MALRD1: variants seen among roughly 807,000 people sequenced by gnomAD.
MALRD1 encodes MAM and LDL receptor class A domain containing 1.
MALRD1 carries 247 observed loss-of-function variants against 242.1 expected under a neutral mutation model. The ratio of observed to expected loss-of-function variants is 1.02; its 90% CI spans 0.92 to 1.13. The LOEUF (loss-of-function observed/expected upper bound fraction) is 1.13. Ranked by LOEUF, MALRD1 falls within the 50% of genes most tolerant of loss-of-function variation. The pLI, the probability that MALRD1 is intolerant of heterozygous loss-of-function variation, is 0.00. For synonymous variants in MALRD1, 995 were observed against 866.6 expected (o/e 1.15, Z -2.60); for missense variants, 2,989 against 2,533.1 (o/e 1.18, Z -3.86).
intron 29 of MALRD1, among the ~76,000 whole-genome samples, chr10:19,450,922 G>A (rs930545569): frequency 1.1e-4 from 16 of 152,104 alleles, no homozygotes; most frequent in African/African-American, 3.9e-4. Flanking sequence ...TCCCATTCAT[G>A]AGGGCTCTGC....
intron 26 of MALRD1, among the ~76,000 whole-genome samples, chr10:19,381,885 A>G (rs541866578): frequency 6.6e-6 from 1 of 152,090 alleles, no homozygotes. Flanking sequence ...TTATAGAACA[A>G]AAAGCAACAT....
At chr10:19,486,091 AAAG>A (rs71388841) in intron 29 of MALRD1, among the ~76,000 whole-genome samples, 57,363 of 151,756 alleles carry the variant, frequency 0.38, 11,140 homozygotes, top group East Asian at 0.54. Context: ...GACATTGTGT[AAAG>A]AAGGAGAGAT....
At chr10:19,544,426 G>C (rs912843402) in intron 32 of MALRD1, among the ~76,000 whole-genome samples, 1 of 152,048 alleles carries the variant, frequency 6.6e-6, no homozygotes, top group African/African-American at 2.4e-5. Flanking sequence ...GACCTCAAGT[G>C]ATTCGCCCAC....
rs74667716 is a variant in MALRD1 at position 19,663,295 on chromosome 10, A to C, written c.6138-28987A>C. On this transcript the variant is annotated intron_variant, in intron 36 of 39. Transcript: ENST00000454679. ...TGTGGTATTTGACTTTCTTTTTCTC[A>C]GTCATTTCACTTAGTATAATGGCCT... Among the ~76,000 whole-genome samples the C allele has an allele frequency of 2.6e-3, 393 of 152,206 alleles. 2 individuals carry two copies. The highest frequency in any genetic ancestry group is 9.0e-3 in the African/African-American group (375 of 41,540).
chr10:19,565,457 A>G (rs1836210487), intron 32 of MALRD1, among the ~76,000 whole-genome samples: 1 of 152,212 alleles, frequency 6.6e-6, no homozygotes, highest in African/African-American at 2.4e-5. Flanking sequence ...TACAAAATAA[A>G]TATAATAAAG....
chr10:19,384,626 C>CTATAATATAATATATAGTATA (rs2130797646), intron 26 of MALRD1, among the ~76,000 whole-genome samples: 1 of 123,784 alleles, frequency 8.1e-6, no homozygotes, highest in South Asian at 2.3e-4. Flanking sequence ...ATAATATTTA[C>CTATAATATAATATATAGTATA]TATAATATAA....
intron 32 of MALRD1, among the ~76,000 whole-genome samples, chr10:19,547,522 A>G (rs937199792): frequency 1.3e-5 from 2 of 151,752 alleles, no homozygotes; most frequent in East Asian, 1.9e-4. Context: ...TATTTTTTTA[A>G]TCCCACAAAA....
intron 2 of MALRD1, among the ~76,000 whole-genome samples, chr10:19,067,833 T>G (rs1835026429): frequency 6.6e-6 from 1 of 152,102 alleles, no homozygotes; most frequent in Admixed American, 6.6e-5. Flanking sequence ...TTTAGTCCAT[T>G]TCTGAATAAT....
chr10:19,281,166 A>G (rs1426613937), intron 20 of MALRD1, among the ~76,000 whole-genome samples: 2 of 152,208 alleles, frequency 1.3e-5, no homozygotes, highest in African/African-American at 2.4e-5. Flanking sequence ...CATAAAATCA[A>G]AGCTGACTCA....
intron 28 of MALRD1, among the ~76,000 whole-genome samples, chr10:19,423,692 G>A (rs1344505922): frequency 6.6e-6 from 1 of 152,086 alleles, no homozygotes; most frequent in Non-Finnish European, 1.5e-5. Context: ...GGAGAAATTA[G>A]GGGATTGAGT....
intron 28 of MALRD1, among the ~76,000 whole-genome samples, chr10:19,414,005 C>A (rs1322218813): frequency 6.6e-6 from 1 of 150,942 alleles, no homozygotes; most frequent in South Asian, 2.1e-4. Context: ...TTGCATTCCT[C>A]ATAATTGATT....
rs544050973 is a variant in MALRD1 at position 19,327,760 on chromosome 10, T to G, written c.3687+87T>G. On this transcript the variant is annotated intron_variant, in intron 23 of 39. Coordinates refer to ENST00000454679, the MANE Select transcript of MALRD1 (RefSeq NM_001142308.3). Reference sequence around the variant, plus strand: ...TTTCCTTCTCTACTCACAGTCTTCTTGCCCCCATTCCCTTTTTGATGTGTT... The same window carrying G: ...TTTCCTTCTCTACTCACAGTCTTCTGGCCCCCATTCCCTTTTTGATGTGTT... 3.7e-6 allele frequency: 4 copies of G among 1,085,970 alleles called. No homozygotes were observed. In the South Asian group the frequency reaches 5.6e-5, roughly 15 times the overall value. The allele number at this position is 1,085,970 out of a possible 1,614,324, so 67.3% of individuals were successfully genotyped here. A position where few individuals can be genotyped will look rare whatever the true frequency, so the allele number is the denominator to read the frequency against.
rs529173647 is a variant in MALRD1 at position 19,692,224 on chromosome 10, G to C, written c.6138-58G>C. On this transcript the variant is annotated intron_variant, in intron 36 of 39. Transcript: ENST00000454679. ...CATGATTTTATCCCATGCCAGTTGT[G>C]TTCAAATATCTTTTCACTTTTCTTT... The C allele has an allele frequency of 3.9e-6, 5 of 1,282,828 alleles. No individual in the cohort carries two copies. The South Asian group carries it at 6.7e-5, about 17-fold the overall frequency. 79.5% of individuals were successfully genotyped at this position (1,282,828 alleles called of 1,614,324 possible).
intron 14 of MALRD1, among the ~76,000 whole-genome samples, chr10:19,200,086 T>C (rs1374504624): frequency 1.3e-5 from 2 of 152,058 alleles, no homozygotes; most frequent in Non-Finnish European, 2.9e-5. Flanking sequence ...TGAGGTCATG[T>C]CACTGCACTC....
At chr10:19,471,095 T>G (rs1458985447) in intron 29 of MALRD1, among the ~76,000 whole-genome samples, 2 of 151,914 alleles carry the variant, frequency 1.3e-5, no homozygotes, top group Non-Finnish European at 2.9e-5. Flanking sequence ...TTAATCCATT[T>G]GAGTTGATTT....
intron 32 of MALRD1, among the ~76,000 whole-genome samples, chr10:19,544,502 G>A (rs935044913): frequency 6.6e-6 from 1 of 151,866 alleles, no homozygotes; most frequent in Non-Finnish European, 1.5e-5. Context: ...TGAGTCTTTA[G>A]ATGGGTTGGC....
intron 13 of MALRD1, among the ~76,000 whole-genome samples, chr10:19,174,480 T>G (rs1180289104): frequency 6.6e-6 from 1 of 152,186 alleles, no homozygotes; most frequent in African/African-American, 2.4e-5. Flanking sequence ...TGTCCTGGAC[T>G]GGTGGTCCAC....
intron 5 of MALRD1, among the ~76,000 whole-genome samples, chr10:19,114,926 C>G (rs1465151727): frequency 6.6e-6 from 1 of 152,134 alleles, no homozygotes; most frequent in Non-Finnish European, 1.5e-5. Context: ...GACCTAAACT[C>G]TAGTTTAAGT....
chr10:19,597,973 A>G lies in MALRD1; in HGVS notation c.5944+2516A>G, dbSNP rs896245372. 4.9e-4 allele frequency among the ~76,000 whole-genome samples: 74 copies of G among 152,298 alleles called. 1 individual carries two copies. Among genetic ancestry groups the G allele is most frequent in the African/African-American group, 1.8e-3 (73 of 41,572 alleles). ...GAAGCATATTTTGTGTTGCTAGAGC[A>G]GAGCCTGTGGTTGGAAATGTAGAAA... On this transcript the variant is annotated intron_variant, in intron 34 of 39. Transcript: ENST00000454679.
Sources: allele counts gnomAD v4.1 joint callset (sites outside exome capture counted in the v4.1 genomes callset), GRCh38; gene constraint gnomAD v4.1.1; transcripts MANE v1.5; gene names NCBI Gene and HGNC (gene_info 2026-07-23, HGNC 2026-07-21).